NEDD4L: variants seen among roughly 807,000 people sequenced by gnomAD.
NEDD4L encodes the protein E3 ubiquitin-protein ligase NEDD4-like.
In NEDD4L, 54 loss-of-function variants were observed where a neutral mutation model predicts 148.9. That is an observed-to-expected ratio of 0.36 (90% CI 0.29 to 0.45). The LOEUF (loss-of-function observed/expected upper bound fraction) is 0.45. Among genes scored for constraint, NEDD4L ranks in the 20% least tolerant of loss-of-function variants. The probability of loss-of-function intolerance (pLI) is 1.00; values close to 1 mark genes in which losing one functional copy is unlikely to be tolerated. For missense variants in NEDD4L, 856 were observed against 1,233.8 expected, an observed-to-expected ratio of 0.69 and a Z score of 4.59; for synonymous variants, 433 against 440.7, an observed-to-expected ratio of 0.98 and a Z score of 0.22.
At chr18:58,355,159 C>A (rs958509368) in intron 18 of NEDD4L, among the ~76,000 whole-genome samples, 2 of 152,064 alleles carry the variant, frequency 1.3e-5, no homozygotes, top group African/African-American at 4.8e-5. Flanking sequence ...TAGAAGATGT[C>A]TTGAACTGGG....
At chr18:58,370,549 C>A (rs2046724195) in intron 23 of NEDD4L, 82 bp downstream of exon 23, 1 of 892,750 alleles carries the variant, frequency 1.1e-6, no homozygotes, top group Non-Finnish European at 1.9e-6. Context: ...TATTTGTAGT[C>A]TCAGCCACTT....
intron 1 of NEDD4L, among the ~76,000 whole-genome samples, chr18:58,090,603 A>G (rs2084020225): frequency 6.6e-6 from 1 of 152,118 alleles, no homozygotes; most frequent in Non-Finnish European, 1.5e-5. Flanking sequence ...TCAGCCTCCC[A>G]AATAGCTGGG....
chr18:58,221,548 G>T, intron 2 of NEDD4L: 2 of 985,432 alleles, frequency 2.0e-6, no homozygotes, highest in Non-Finnish European at 2.4e-6. Context: ...AGTATAAGTA[G>T]CGAGCTGGGC....
rs561825686 is a variant in NEDD4L, at chr18:58,139,059, T to C, written c.49-26729T>C. 9.1e-4 allele frequency among the ~76,000 whole-genome samples: 139 copies of C among 152,360 alleles called. 1 individual carries two copies. The highest frequency in any genetic ancestry group is 3.2e-3 in the African/African-American group (135 of 41,596). On this transcript the variant is annotated intron_variant, in intron 1 of 30. Coordinates refer to ENST00000400345, the MANE Select transcript of NEDD4L (RefSeq NM_001144967.3). ...CATTCTGGGTCCTCAGTGCCTTGCC[T>C]TTATTTTACCTGATATAATCCTTCA... is the stretch of plus-strand genomic sequence containing the variant.
chr18:58,247,825 C>G (rs1256008264), intron 3 of NEDD4L, among the ~76,000 whole-genome samples: 1 of 152,224 alleles, frequency 6.6e-6, no homozygotes, highest in Non-Finnish European at 1.5e-5. Flanking sequence ...CCACTCCCCT[C>G]CCCTCGTTCA....
rs1057024778 is a variant in NEDD4L at position 58,265,679 on chromosome 18, C to G, written c.297+13625C>G. Among the ~76,000 whole-genome samples, 11 of 151,884 alleles carry G rather than the reference C, an allele frequency of 7.2e-5. No homozygotes were observed. The East Asian group carries it at 2.1e-3, about 29-fold the overall frequency. On this transcript the variant is annotated intron_variant, in intron 5 of 30. Transcript: ENST00000400345. Reference sequence around the variant, plus strand: ...TCCCAGGCTCAAGTGATCCTCCCACCTCAGACTCCCAAGTAGCTGGACCAC... The same window carrying G: ...TCCCAGGCTCAAGTGATCCTCCCACGTCAGACTCCCAAGTAGCTGGACCAC...
At chr18:58,228,450 G>A (rs1198290943) in intron 2 of NEDD4L, among the ~76,000 whole-genome samples, 1 of 152,198 alleles carries the variant, frequency 6.6e-6, no homozygotes, top group South Asian at 2.1e-4. Flanking sequence ...CATGTATAAG[G>A]CACATGGAAT....
At chr18:58,300,599 T>C (rs188900002) in intron 5 of NEDD4L, among the ~76,000 whole-genome samples, 3 of 152,218 alleles carry the variant, frequency 2.0e-5, no homozygotes, top group African/African-American at 7.2e-5. Flanking sequence ...TTCTCAGTGC[T>C]CAGTTCTCAG....
intron 5 of NEDD4L, among the ~76,000 whole-genome samples, chr18:58,268,215 G>A (rs1052353449): frequency 6.6e-6 from 1 of 152,066 alleles, no homozygotes; most frequent in Admixed American, 6.5e-5. Flanking sequence ...TCAGGTTATG[G>A]TGGCAAGAAA....
At chr18:58,156,656 T>C (rs1045205857) in intron 1 of NEDD4L, among the ~76,000 whole-genome samples, 1 of 152,122 alleles carries the variant, frequency 6.6e-6, no homozygotes. Context: ...CCCTCCCCAG[T>C]GCTACCTGGC....
intron 2 of NEDD4L, among the ~76,000 whole-genome samples, chr18:58,221,201 T>C (rs1381355452): frequency 6.6e-6 from 1 of 152,164 alleles, no homozygotes; most frequent in African/African-American, 2.4e-5. Flanking sequence ...CTGAGTTAGT[T>C]TGTGGCAGGG....
In NEDD4L at chr18:58,123,068, C is replaced by T. The variant is rs184385631; in HGVS notation, c.49-42720C>T. The stretch of plus-strand genomic sequence containing the variant: ...TTTATATCTGTTATACTGTTCTTGC[C>T]TCTGTGCCTTTTGGGTTCCCTGTCA... On this transcript the variant is annotated intron_variant, in intron 1 of 30. Coordinates refer to ENST00000400345, the MANE Select transcript of NEDD4L (RefSeq NM_001144967.3). Among the ~76,000 whole-genome samples, 177 of 152,294 alleles carry T rather than the reference C, an allele frequency of 1.2e-3. 1 individual carries two copies. The highest frequency in any genetic ancestry group is 1.9e-3 in the Non-Finnish European group (126 of 68,032).
chr18:58,369,308 CAAG>C (rs2146207191), intron 22 of NEDD4L, among the ~76,000 whole-genome samples: 1 of 152,322 alleles, frequency 6.6e-6, no homozygotes, highest in Non-Finnish European at 1.5e-5. Flanking sequence ...CTCAGGGTCT[CAAG>C]GAGCTGGCTA....
chr18:58,281,886 G>A (rs1195544833), intron 5 of NEDD4L, among the ~76,000 whole-genome samples: 11 of 151,812 alleles, frequency 7.2e-5, no homozygotes, highest in Non-Finnish European at 1.2e-4. Context: ...TTGGCCGGGC[G>A]TGGTGGCAGT....
Position 58,323,678 on chromosome 18 carries a change from G to A in NEDD4L, c.513+344G>A, listed in dbSNP as rs8082759. Among the ~76,000 whole-genome samples, 55,387 of 152,032 alleles carry A rather than the reference G, an allele frequency of 0.36. 11,257 individuals are homozygous for A. The highest frequency in any genetic ancestry group is 0.55 in the African/African-American group (22,628 of 41,474). ...TTTGTAAATTCTTTTTAGCCATTGAGGTCGCTTCAAAGTGGGTGGAGGAAT... is the reference window on the plus strand; with the variant it reads ...TTTGTAAATTCTTTTTAGCCATTGAAGTCGCTTCAAAGTGGGTGGAGGAAT... On this transcript the variant is annotated intron_variant, in intron 8 of 30. Transcript: ENST00000400345.
chr18:58,082,079 A>AATATATACACACACAT lies in NEDD4L; in HGVS notation c.48+37378_48+37379insCACACACATATATATA, dbSNP rs1378443130. 3.7e-4 allele frequency among the ~76,000 whole-genome samples: 33 copies of AATATATACACACACAT among 89,946 alleles called. 3 individuals carry two copies. Among genetic ancestry groups the AATATATACACACACAT allele is most frequent in the African/African-American group, 1.9e-3 (33 of 17,372 alleles). 59.0% of individuals were successfully genotyped at this position (89,946 alleles called of 152,430 possible). Reference sequence around the variant, plus strand: ...TTTTTATTCTAATTGCTTTCTGATGAATATATATATATATATATATATATT... The same window carrying AATATATACACACACAT: ...TTTTTATTCTAATTGCTTTCTGATGAATATATACACACACATATATATATATATATATATATATATT... On this transcript the variant is annotated intron_variant, in intron 1 of 30. Coordinates refer to ENST00000400345, the MANE Select transcript of NEDD4L (RefSeq NM_001144967.3).
In NEDD4L at chr18:58,365,983, T is replaced by C. The variant is rs750156219; in HGVS notation, c.1834-16T>C. ...TTTACTGTATGATTATGTGTTTTCT[T>C]TTGTCTTTTGTGTAGGCTGATATCC... On this transcript the variant is annotated splice_polypyrimidine_tract_variant and intron_variant, in intron 20 of 30. Transcript: ENST00000400345. The C allele has an allele frequency of 9.6e-6, 15 of 1,557,680 alleles. No homozygotes were observed. The East Asian group carries it at 3.4e-4, about 35-fold the overall frequency.
At chr18:58,303,162 T>C (rs2056696885) in intron 5 of NEDD4L, among the ~76,000 whole-genome samples, 1 of 152,214 alleles carries the variant, frequency 6.6e-6, no homozygotes, top group Non-Finnish European at 1.5e-5. Flanking sequence ...TTGTAGCCCA[T>C]GTACACAGTG....
chr18:58,318,160 C>T (rs1010095157), intron 6 of NEDD4L, among the ~76,000 whole-genome samples: 5 of 152,066 alleles, frequency 3.3e-5, no homozygotes, highest in East Asian at 1.9e-4. Context: ...TTTTGTGGAT[C>T]GAATTATGGA....
Sources: allele counts gnomAD v4.1 joint callset (sites outside exome capture counted in the v4.1 genomes callset), GRCh38; gene constraint gnomAD v4.1.1; transcripts MANE v1.5; gene names NCBI Gene and HGNC (gene_info 2026-07-23, HGNC 2026-07-21).